ACVR2A: variants seen among roughly 807,000 people sequenced by gnomAD.
ACVR2A encodes the protein activin receptor type-2A.
A neutral mutation model predicts 61.4 loss-of-function variants in ACVR2A; 7 were observed. The observed-to-expected ratio is 0.11, with a 90% confidence interval of 0.06 to 0.21. The LOEUF is 0.21. Ranked by LOEUF, ACVR2A falls within the 10% of genes least tolerant of loss-of-function variation. The pLI is 1.00. For synonymous variants in ACVR2A, 193 were observed against 208.3 expected, an observed-to-expected ratio of 0.93 and a Z score of 0.63; for missense variants, 322 against 621.7, an observed-to-expected ratio of 0.52 and a Z score of 5.13.
intron 1 of ACVR2A, among the ~76,000 whole-genome samples, chr2:147,873,232 T>C (rs945090269): frequency 7.9e-5 from 12 of 151,852 alleles, no homozygotes; most frequent in African/African-American, 2.9e-4. Flanking sequence ...ACAAAAGAAA[T>C]GCAATGCCAG....
chr2:147,851,918 T>C (rs1332211440), intron 1 of ACVR2A, among the ~76,000 whole-genome samples: 1 of 152,064 alleles, frequency 6.6e-6, no homozygotes, highest in African/African-American at 2.4e-5. Flanking sequence ...GTCCTCTTAA[T>C]GTATTGAAGT....
chr2:147,870,991 A>C (rs1418809174), intron 1 of ACVR2A, among the ~76,000 whole-genome samples: 1 of 152,092 alleles, frequency 6.6e-6, no homozygotes, highest in African/African-American at 2.4e-5. Context: ...ATTTTCAATA[A>C]ATTTCTAAAT....
chr2:147,894,465 C>T (rs566135020), intron 1 of ACVR2A, among the ~76,000 whole-genome samples: 9 of 152,042 alleles, frequency 5.9e-5, no homozygotes, highest in Admixed American at 1.3e-4. Context: ...CTTTGTCATG[C>T]ACATTGAGTG....
chr2:147,860,405 A>C (rs919006229), intron 1 of ACVR2A, among the ~76,000 whole-genome samples: 1 of 152,040 alleles, frequency 6.6e-6, no homozygotes, highest in African/African-American at 2.4e-5. Context: ...TTACAAGCAG[A>C]AGTCTTGGCT....
chr2:147,866,335 C>T (rs1310317271), intron 1 of ACVR2A, among the ~76,000 whole-genome samples: 2 of 152,144 alleles, frequency 1.3e-5, no homozygotes, highest in Non-Finnish European at 2.9e-5. Context: ...CTTTAATATG[C>T]ATAGGAACCG....
intron 1 of ACVR2A, among the ~76,000 whole-genome samples, chr2:147,894,607 A>T (rs1421726224): frequency 6.6e-6 from 1 of 152,148 alleles, no homozygotes; most frequent in Non-Finnish European, 1.5e-5. Context: ...ACATTTATTG[A>T]TATCACCACT....
At chr2:147,918,104 T>G (rs1045674729) in intron 6 of ACVR2A, among the ~76,000 whole-genome samples, 5 of 151,750 alleles carry the variant, frequency 3.3e-5, no homozygotes, top group Non-Finnish European at 5.9e-5. Context: ...ATATAACAAC[T>G]CTATAGTCAG....
intron 9 of ACVR2A, among the ~76,000 whole-genome samples, chr2:147,924,741 T>A (rs1388780413): frequency 6.6e-6 from 1 of 151,936 alleles, no homozygotes; most frequent in East Asian, 1.9e-4. Context: ...TTCTCAAACT[T>A]TAATGTGTCA....
At chr2:147,854,387 T>A (rs533909214) in intron 1 of ACVR2A, among the ~76,000 whole-genome samples, 1 of 152,342 alleles carries the variant, frequency 6.6e-6, no homozygotes, top group African/African-American at 2.4e-5. Context: ...TTAAAACTTT[T>A]TAGTAGAAGT....
chr2:147,910,013 CTT>C lies in ACVR2A; in HGVS notation c.529-5177_529-5176del, dbSNP rs202056895. On this transcript the variant is annotated intron_variant, in intron 4 of 10. Coordinates refer to ENST00000241416, the MANE Select transcript of ACVR2A (RefSeq NM_001616.5). ...ACATTGAGGACTGTTGCTGGTGTCT[CTT>C]GTTTGTTTATTCTAATCCTCATTTA... 6.5e-4 allele frequency among the ~76,000 whole-genome samples: 99 copies of C among 152,232 alleles called. No individual in the cohort carries two copies. In the East Asian group the frequency reaches 0.015, roughly 23 times the overall value.
intron 1 of ACVR2A, among the ~76,000 whole-genome samples, chr2:147,867,041 A>G (rs777116576): frequency 1.3e-5 from 2 of 152,216 alleles, no homozygotes; most frequent in Admixed American, 6.5e-5. Context: ...GTATCGTTTC[A>G]TTGTAAGAAA....
intron 1 of ACVR2A, among the ~76,000 whole-genome samples, chr2:147,849,974 A>T (rs1357676047): frequency 6.6e-6 from 1 of 152,124 alleles, no homozygotes; most frequent in African/African-American, 2.4e-5. Context: ...TTGATATTTC[A>T]TGAGTCCAAT....
At chr2:147,848,104 G>A (rs1229921989) in intron 1 of ACVR2A, among the ~76,000 whole-genome samples, 1 of 152,186 alleles carries the variant, frequency 6.6e-6, no homozygotes, top group Non-Finnish European at 1.5e-5. Context: ...TGTGGTTGGA[G>A]GGGGAGTTAG....
At chr2:147,908,234 G>T (rs554218805) in intron 4 of ACVR2A, among the ~76,000 whole-genome samples, 14 of 152,098 alleles carry the variant, frequency 9.2e-5, no homozygotes, top group African/African-American at 2.9e-4. Context: ...GCAGAATACA[G>T]ATATGAAAAT....
chr2:147,870,283 C>T (rs929993583), intron 1 of ACVR2A, among the ~76,000 whole-genome samples: 55 of 152,118 alleles, frequency 3.6e-4, no homozygotes, highest in African/African-American at 1.2e-3. Flanking sequence ...CTATTTTTTC[C>T]TCTCTTTAAT....
chr2:147,920,367 G>A (rs755490997), intron 8 of ACVR2A, 23 bp downstream of exon 8: 1 of 1,542,802 alleles, frequency 6.5e-7, no homozygotes, highest in East Asian at 2.3e-5. Context: ...ATTATAAAAT[G>A]TAAGAAAAAA....
chr2:147,844,975 CTTTTTTT>C (rs879026054), upstream of ACVR2A: 28 of 127,136 alleles, frequency 2.2e-4, 1 homozygote, highest in East Asian at 2.2e-3. Flanking sequence ...TCTTTTTTTT[CTTTTTTT>C]TTTTTAACCC....
intron 1 of ACVR2A, among the ~76,000 whole-genome samples, chr2:147,857,260 C>T (rs1159009643): frequency 2.0e-5 from 3 of 152,054 alleles, no homozygotes; most frequent in Admixed American, 6.6e-5. Context: ...TAGAATATCC[C>T]CACATCAAGA....
rs942546481 is a variant in ACVR2A, at chr2:147,930,328, T to C, written c.*3054T>C. The C allele has an allele frequency of 2.0e-5, 3 of 149,976 alleles. No homozygotes were observed. The highest frequency in any genetic ancestry group is 7.4e-5 in the African/African-American group (3 of 40,556). 9.3% of individuals were successfully genotyped at this position (149,976 alleles called of 1,614,324 possible). The stretch of plus-strand genomic sequence containing the variant: ...AAACCATGGCGAGATGGTGGTTTAG[T>C]GGAATAAACTGATTACTGGTTTTTT... On this transcript the variant is annotated 3_prime_UTR_variant, in exon 11 of 11. Transcript: ENST00000241416.
Sources: allele counts gnomAD v4.1 joint callset (sites outside exome capture counted in the v4.1 genomes callset), GRCh38; gene constraint gnomAD v4.1.1; transcripts MANE v1.5; gene names NCBI Gene and HGNC (gene_info 2026-07-23, HGNC 2026-07-21).